The following CHST15 variants were observed in gnomAD, a reference collection of about 807,000 sequenced individuals.
CHST15 encodes B cell RAG associated protein (GALNAC4S-6ST).
Under a neutral mutation model 53.6 loss-of-function variants are expected in CHST15, and 30 were observed. That is an observed-to-expected ratio of 0.56 (90% CI 0.42 to 0.76). The LOEUF (loss-of-function observed/expected upper bound fraction) is 0.76. Among genes scored for constraint, CHST15 ranks in the 30% least tolerant of loss-of-function variants. The pLI is 0.00. For synonymous variants in CHST15, 296 were observed against 289.8 expected, an observed-to-expected ratio of 1.02 and a Z score of -0.22; for missense variants, 627 against 740.5, an observed-to-expected ratio of 0.85 and a Z score of 1.78.
chr10:124,021,552 G>A, intron 5 of CHST15, 140 bp from the exon 6 acceptor site: 1 of 1,426,442 alleles, frequency 7.0e-7, no homozygotes, highest in South Asian at 1.5e-5. Context: ...TTCCCTTGCA[G>A]ATGAGCCACC....
intron 1 of CHST15, among the ~76,000 whole-genome samples, chr10:124,061,746 C>T (rs1013618792): frequency 3.3e-5 from 5 of 152,206 alleles, no homozygotes; most frequent in Admixed American, 2.6e-4. Context: ...GCCTCCAGGA[C>T]GTGAGTTCAC....
At chr10:124,042,887 G>A (rs1469489507) in intron 3 of CHST15, among the ~76,000 whole-genome samples, 1 of 152,126 alleles carries the variant, frequency 6.6e-6, no homozygotes, top group Admixed American at 6.5e-5. Context: ...GAGAAGGGCA[G>A]TATCCTATAA....
At chr10:124,087,197 C>T (rs560464819) in intron 1 of CHST15, among the ~76,000 whole-genome samples, 7 of 152,284 alleles carry the variant, frequency 4.6e-5, no homozygotes, top group African/African-American at 1.7e-4. Context: ...AGCAAAGGTG[C>T]CACGGGCCCA....
Position 124,044,846 on chromosome 10 carries a change from T to G in CHST15, c.620A>C (p.Gln207Pro). 1 of 1,521,234 alleles carries G rather than the reference T, an allele frequency of 6.6e-7. No homozygotes were observed. The highest frequency in any genetic ancestry group is 8.8e-7 in the Non-Finnish European group (1 of 1,131,826). The allele number at this position is 1,521,234 out of a possible 1,614,324, so 94.2% of individuals were successfully genotyped here. The change falls in exon 3 of 8, where the codon CAG (glutamine) becomes CCG (proline). Residue 207 changes from glutamine (Q) to proline (P), a missense_variant. This residue lies in a region of CHST15 where 161 missense variants were observed against 117.2 expected (regional missense o/e 1.37). Transcript: ENST00000435907. ...GGTGAGGTAGGGGTCGGTGGTGTTC[T>G]GCCCCGAGAACTCCTCGTACCAACA... ...SPCWYEEFSG[Q>P]NTTDPYLTNS...
chr10:124,077,968 T>G (rs1039099997), intron 1 of CHST15, among the ~76,000 whole-genome samples: 1 of 152,208 alleles, frequency 6.6e-6, no homozygotes, highest in Admixed American at 6.5e-5. Context: ...CAAACCAAAC[T>G]AGGCTGCAGA....
intron 6 of CHST15, chr10:124,020,359 A>G: frequency 1.0e-6 from 1 of 985,494 alleles, no homozygotes; most frequent in Non-Finnish European, 1.2e-6. Flanking sequence ...CTGGCACCAG[A>G]GCAGGCTCTG....
At chr10:124,059,444 G>T (rs938100303) in intron 1 of CHST15, among the ~76,000 whole-genome samples, 2 of 152,166 alleles carry the variant, frequency 1.3e-5, no homozygotes, top group African/African-American at 2.4e-5. Context: ...GCAGCCCAGA[G>T]TATAATGCAC....
intron 1 of CHST15, among the ~76,000 whole-genome samples, chr10:124,051,601 A>T (rs935449693): frequency 6.6e-6 from 1 of 152,214 alleles, no homozygotes; most frequent in Non-Finnish European, 1.5e-5. Context: ...GGATTCAGGT[A>T]TACATTTCAG....
chr10:124,038,927 C>A (rs1947630454), intron 4 of CHST15, among the ~76,000 whole-genome samples: 1 of 152,032 alleles, frequency 6.6e-6, no homozygotes, highest in Admixed American at 6.6e-5. Context: ...ACTGAGTGCC[C>A]CCACCCCTGA....
intron 1 of CHST15, among the ~76,000 whole-genome samples, chr10:124,073,844 G>A (rs114901044): frequency 6.6e-6 from 1 of 152,076 alleles, no homozygotes; most frequent in Non-Finnish European, 1.5e-5. Context: ...CTTATTTTAC[G>A]ACCCGCCTCT....
At chr10:124,010,657 G>A (rs1041167238) in intron 7 of CHST15, 209 of 985,326 alleles carry the variant, frequency 2.1e-4, no homozygotes, top group Non-Finnish European at 2.3e-4. Context: ...TTGGTGGGCT[G>A]CTCTCCATGG....
intron 5 of CHST15, among the ~76,000 whole-genome samples, chr10:124,027,871 G>A (rs968778316): frequency 6.6e-6 from 1 of 152,226 alleles, no homozygotes; most frequent in Non-Finnish European, 1.5e-5. Context: ...CCAGCTGGAT[G>A]TGGCCCCTGC....
chr10:124,088,252 A>C (rs1034247360), intron 1 of CHST15, among the ~76,000 whole-genome samples: 4 of 152,192 alleles, frequency 2.6e-5, no homozygotes, highest in Non-Finnish European at 5.9e-5. Context: ...CTCCTGCTGC[A>C]CTTTGCCAAG....
chr10:124,047,837 T>G (rs75005250), intron 1 of CHST15, among the ~76,000 whole-genome samples: 2 of 152,150 alleles, frequency 1.3e-5, no homozygotes, highest in Non-Finnish European at 2.9e-5. Context: ...CCAAAAACAT[T>G]TGAAATGGAA....
intron 5 of CHST15, among the ~76,000 whole-genome samples, chr10:124,026,219 TCAGGGGAGCACTCAGA>T (rs1359696943): frequency 1.3e-5 from 2 of 152,118 alleles, no homozygotes; most frequent in Admixed American, 6.5e-5. Flanking sequence ...GCACTTCCCT[TCAGGGGAGCACTCAGA>T]CAGGGGAGCA....
chr10:124,085,024 T>C (rs1949373558), intron 1 of CHST15, among the ~76,000 whole-genome samples: 1 of 152,200 alleles, frequency 6.6e-6, no homozygotes, highest in Non-Finnish European at 1.5e-5. Flanking sequence ...GGCGGTTCCT[T>C]CCATGCACAA....
At chr10:124,049,539 C>T (rs1039560337) in intron 1 of CHST15, among the ~76,000 whole-genome samples, 1 of 152,176 alleles carries the variant, frequency 6.6e-6, no homozygotes, top group Non-Finnish European at 1.5e-5. Context: ...ACCAATCAGG[C>T]CTTTGTAATG....
At chr10:124,043,502 C>T (rs1947818532) in intron 3 of CHST15, among the ~76,000 whole-genome samples, 1 of 152,222 alleles carries the variant, frequency 6.6e-6, no homozygotes, top group Non-Finnish European at 1.5e-5. Flanking sequence ...TGAAGATTCC[C>T]TTCTAGTCAA....
chr10:124,074,811 G>C lies in CHST15; in HGVS notation c.-513+18658C>G, dbSNP rs1473465572. Among the ~76,000 whole-genome samples the C allele has an allele frequency of 6.6e-6, 1 of 152,186 alleles. No individual in the cohort carries two copies. Among genetic ancestry groups the C allele is most frequent in the Non-Finnish European group, 1.5e-5 (1 of 68,038 alleles). On this transcript the variant is annotated intron_variant, in intron 1 of 7. Coordinates refer to ENST00000435907, the MANE Select transcript of CHST15 (RefSeq NM_001270764.2). The surrounding 1 kb of genome is among the most constrained non-coding windows in gnomAD (Gnocchi z 4.4). ...TAACCTCCATGAGGACAGGACCTGG[G>C]CATGTCTCACTCGCCACTGCCTCCC...
Sources: gnomAD v4.1 joint callset for allele counts (sites outside exome capture counted in the v4.1 genomes callset) on GRCh38, gnomAD v4.1.1 for gene constraint, gnomAD v4.1.1 regional missense constraint, Gnocchi (gnomAD v3.1) non-coding constraint, MANE v1.5 for transcripts, NCBI Gene and HGNC (gene_info 2026-07-23, HGNC 2026-07-21) for gene names.